The following CHIC2 variants were observed in gnomAD, a reference collection of about 807,000 sequenced individuals.
The protein encoded by CHIC2 is cysteine rich hydrophobic domain 2, also known as cysteine-rich hydrophobic domain-containing protein 2.
CHIC2 carries 14 observed loss-of-function variants against 25.9 expected under a neutral mutation model. The observed-to-expected ratio is 0.54, with a 90% confidence interval of 0.36 to 0.85. The LOEUF is 0.85. CHIC2 is among the 40% of genes least tolerant of loss of function. CHIC2 has a pLI of 0.01. For synonymous variants in CHIC2, 70 were observed against 72.0 expected (o/e 0.97, Z 0.14); for missense variants, 146 against 202.0 (o/e 0.72, Z 1.68).
At chr4:54,077,737 T>A in the CHIC2 span, among the ~76,000 whole-genome samples, 2 of 152,334 alleles carry the variant, frequency 1.3e-5, no homozygotes, top group African/African-American at 4.8e-5. Context: ...GATCCCACTC[T>A]GCCAGTGGTT....
intron 3 of CHIC2, among the ~76,000 whole-genome samples, chr4:54,047,764 C>T (rs552504373): frequency 1.4e-4 from 21 of 151,378 alleles, no homozygotes; most frequent in Middle Eastern, 3.4e-3. Flanking sequence ...CTAACCTGCA[C>T]GTTGTGCACA....
the CHIC2 span, chr4:54,076,633 T>C: frequency 6.6e-6 from 1 of 152,232 alleles, no homozygotes; most frequent in Non-Finnish European, 1.5e-5. Flanking sequence ...CGGCTTCCAG[T>C]GTTTTGAAGA....
At chr4:54,078,068 C>G in the CHIC2 span, among the ~76,000 whole-genome samples, 2 of 152,232 alleles carry the variant, frequency 1.3e-5, no homozygotes, top group East Asian at 1.9e-4. Flanking sequence ...GAGAATGATG[C>G]CAATCAACCC....
At chr4:54,014,004 G>C (rs1209057109) in intron 4 of CHIC2, 59 bp downstream of exon 4, 1 of 1,599,894 alleles carries the variant, frequency 6.3e-7, no homozygotes, top group Non-Finnish European at 8.6e-7. Flanking sequence ...AAAAGCATCT[G>C]TTTCCATACT....
At chr4:54,062,819 T>C (rs1043719781) in intron 1 of CHIC2, among the ~76,000 whole-genome samples, 1 of 152,160 alleles carries the variant, frequency 6.6e-6, no homozygotes, top group African/African-American at 2.4e-5. Context: ...TAAAATCAAA[T>C]GGCAGGTTAT....
upstream of CHIC2, chr4:54,064,710 C>A: frequency 2.0e-6 from 2 of 978,912 alleles, no homozygotes; most frequent in Non-Finnish European, 2.4e-6. The surrounding 1 kb of genome is among the most constrained non-coding windows in gnomAD (Gnocchi z 4.2). Flanking sequence ...CGTGGGCGAG[C>A]GGACTGGCTG....
intron 1 of CHIC2, among the ~76,000 whole-genome samples, chr4:54,056,251 T>C (rs1326929682): frequency 6.6e-6 from 1 of 152,188 alleles, no homozygotes; most frequent in Non-Finnish European, 1.5e-5. Context: ...CTTCTGGCGA[T>C]ATAGGGATGC....
At chr4:54,078,226 A>C in the CHIC2 span, among the ~76,000 whole-genome samples, 18 of 152,282 alleles carry the variant, frequency 1.2e-4, no homozygotes, top group East Asian at 3.5e-3. Flanking sequence ...TATAAATGCC[A>C]CTGTCAAAGG....
In CHIC2 at chr4:54,064,561, A is replaced by C; in HGVS notation, c.-261T>G. 7.7e-7 allele frequency: 1 copy of C among 1,293,040 alleles called. No homozygotes were observed. Among genetic ancestry groups the C allele is most frequent in the Admixed American group, 4.1e-5 (1 of 24,578 alleles). 80.1% of individuals were successfully genotyped at this position (1,293,040 alleles called of 1,614,324 possible). ...CCCAGAGGCCGACACCTCCACAAGCACAGACGCCGCTGCCGCCGCCGCAGC... is the reference window on the plus strand; with the variant it reads ...CCCAGAGGCCGACACCTCCACAAGCCCAGACGCCGCTGCCGCCGCCGCAGC... On this transcript the variant is annotated 5_prime_UTR_variant, in exon 1 of 6. Coordinates refer to ENST00000263921, the MANE Select transcript of CHIC2 (RefSeq NM_012110.4). This position sits in a 1 kb window ranked among gnomAD's most constrained non-coding sequence, Gnocchi z 4.2.
At chr4:54,083,234 C>T in the CHIC2 span, among the ~76,000 whole-genome samples, 3 of 151,630 alleles carry the variant, frequency 2.0e-5, no homozygotes, top group Admixed American at 6.6e-5. Context: ...AGGCTGGTCT[C>T]GAACTCCTGA....
intron 3 of CHIC2, among the ~76,000 whole-genome samples, chr4:54,048,237 G>A (rs559526148): frequency 1.7e-4 from 26 of 152,270 alleles, no homozygotes; most frequent in African/African-American, 5.3e-4. Flanking sequence ...TGATCCGCCC[G>A]CCTTGGCCTC....
chr4:54,038,310 G>T (rs1279947750), intron 3 of CHIC2, among the ~76,000 whole-genome samples: 1 of 152,128 alleles, frequency 6.6e-6, no homozygotes, highest in East Asian at 1.9e-4. Flanking sequence ...AAAATCAACT[G>T]TATTTTATGT....
At chr4:54,061,460 G>T (rs190342294) in intron 1 of CHIC2, among the ~76,000 whole-genome samples, 1 of 152,082 alleles carries the variant, frequency 6.6e-6, no homozygotes, top group Non-Finnish European at 1.5e-5. Flanking sequence ...AGATGATTCA[G>T]TTTACATGGT....
At chr4:54,016,492 T>C (rs1715743510) in intron 3 of CHIC2, among the ~76,000 whole-genome samples, 1 of 152,156 alleles carries the variant, frequency 6.6e-6, no homozygotes, top group Non-Finnish European at 1.5e-5. Flanking sequence ...ATGATAGGGC[T>C]TGGTATAATA....
the CHIC2 span, among the ~76,000 whole-genome samples, chr4:54,089,392 C>CATATATATATATATATATATATAT: frequency 6.2e-5 from 9 of 145,188 alleles, no homozygotes; most frequent in African/African-American, 2.3e-4. Context: ...CACCACATTC[C>CATATATATATATATATATATATAT]ATATATATAT....
At chr4:54,072,258 C>T in the CHIC2 span, among the ~76,000 whole-genome samples, 37 of 151,302 alleles carry the variant, frequency 2.4e-4, 1 homozygote, top group East Asian at 3.5e-3. Context: ...GCCGAGATTG[C>T]GCCACTGCAC....
rs1057312268 is a variant in CHIC2, at chr4:54,064,221, G to C, written c.80C>G (p.Pro27Arg). The change falls in exon 1 of 6, where the codon CCG becomes CGG. Residue 27 changes from proline to arginine, a missense_variant. Transcript: ENST00000263921. This position sits in a 1 kb window ranked among gnomAD's most constrained non-coding sequence, Gnocchi z 4.2. ...ALEEQLLKYS[P>R]DPVVVRGSGH... Reference sequence around the variant, plus strand: ...GGAGCCGCGGACGACCACCGGGTCCGGCGAGTACTTGAGCAGCTGCTCCTC... The same window carrying C: ...GGAGCCGCGGACGACCACCGGGTCCCGCGAGTACTTGAGCAGCTGCTCCTC... The C allele has an allele frequency of 1.2e-6, 2 of 1,607,704 alleles. No homozygotes were observed. Among genetic ancestry groups the C allele is most frequent in the African/African-American group, 1.3e-5 (1 of 74,792 alleles).
intron 3 of CHIC2, among the ~76,000 whole-genome samples, chr4:54,023,302 G>A (rs906853268): frequency 3.3e-5 from 5 of 152,094 alleles, no homozygotes; most frequent in East Asian, 1.9e-4. Context: ...AGAGGCTGCC[G>A]CCGCTCTAAT....
the CHIC2 span, among the ~76,000 whole-genome samples, chr4:54,087,965 A>C: frequency 6.6e-6 from 1 of 152,148 alleles, no homozygotes; most frequent in Non-Finnish European, 1.5e-5. Flanking sequence ...TCCTTTTCTC[A>C]TTTCAAAGTT....
Sources: gnomAD v4.1 joint callset for allele counts (sites outside exome capture counted in the v4.1 genomes callset) on GRCh38, gnomAD v4.1.1 for gene constraint, Gnocchi (gnomAD v3.1) non-coding constraint, MANE v1.5 for transcripts, NCBI Gene and HGNC (gene_info 2026-07-23, HGNC 2026-07-21) for gene names.